The following FBXO36 variants were observed in gnomAD, a reference collection of about 807,000 sequenced individuals.
FBXO36 encodes F-box protein 36, also known as F-box only protein 36.
A neutral mutation model predicts 17.0 loss-of-function variants in FBXO36; 18 were observed. That is an observed-to-expected ratio of 1.06 (90% CI 0.73 to 1.57). FBXO36 has a LOEUF of 1.57. Among genes scored for constraint, FBXO36 ranks in the 40% most tolerant of loss-of-function variants. The pLI, the probability that FBXO36 is intolerant of heterozygous loss-of-function variation, is 0.00. For missense variants in FBXO36, 229 were observed against 221.9 expected, an observed-to-expected ratio of 1.03 and a Z score of -0.20; for synonymous variants, 83 against 85.3, an observed-to-expected ratio of 0.97 and a Z score of 0.15.
intron 3 of FBXO36, among the ~76,000 whole-genome samples, chr2:229,997,494 C>T (rs190367621): frequency 7.3e-5 from 11 of 151,486 alleles, no homozygotes; most frequent in Non-Finnish European, 1.5e-4. Flanking sequence ...AGGAGAATCA[C>T]TTGAACCCGG....
intron 2 of FBXO36, among the ~76,000 whole-genome samples, chr2:229,981,383 G>T (rs775557405): frequency 6.6e-6 from 1 of 151,726 alleles, no homozygotes; most frequent in Admixed American, 6.6e-5. Context: ...TATATGAACA[G>T]ATTTTTTTTT....
intron 1 of FBXO36, among the ~76,000 whole-genome samples, chr2:229,939,735 T>C (rs369474800): frequency 1.3e-5 from 2 of 152,226 alleles, no homozygotes; most frequent in East Asian, 3.8e-4. Context: ...AGGCTCCCTC[T>C]TCTGAAGATG....
At chr2:229,953,691 A>G (rs1345201530) in intron 1 of FBXO36, among the ~76,000 whole-genome samples, 2 of 152,038 alleles carry the variant, frequency 1.3e-5, no homozygotes, top group African/African-American at 4.8e-5. Context: ...AAAAATAAAA[A>G]AAGATTTTTT....
intron 2 of FBXO36, among the ~76,000 whole-genome samples, chr2:229,978,453 G>A (rs1039167772): frequency 2.0e-5 from 3 of 151,978 alleles, no homozygotes; most frequent in South Asian, 2.1e-4. Flanking sequence ...GCATGATGGT[G>A]GTGGGTGCCC....
At position 229,954,738 on chromosome 2, in the gene FBXO36, G is replaced by A. The variant is rs534085233; in HGVS notation, c.97-21503G>A. ...AATTTTTTGTATTTTTAGTGGAGACGGGGTTTCACCGTGTTAGCCAGGATG... is the reference window on the plus strand; with the variant it reads ...AATTTTTTGTATTTTTAGTGGAGACAGGGTTTCACCGTGTTAGCCAGGATG... On this transcript the variant is annotated intron_variant, in intron 1 of 3. Coordinates refer to ENST00000283946, the MANE Select transcript of FBXO36 (RefSeq NM_174899.5). Among the ~76,000 whole-genome samples, 17 of 149,388 alleles carry A rather than the reference G, an allele frequency of 1.1e-4. 1 individual carries two copies. Among genetic ancestry groups the A allele is most frequent in the Admixed American group, 6.0e-4 (9 of 14,914 alleles).
At chr2:229,925,917 A>G (rs1250397404) in intron 1 of FBXO36, among the ~76,000 whole-genome samples, 1 of 152,060 alleles carries the variant, frequency 6.6e-6, no homozygotes, top group Non-Finnish European at 1.5e-5. Flanking sequence ...GCTTGGGGTC[A>G]GTTTAGTTTC....
chr2:229,936,999 A>C (rs1480464741), intron 1 of FBXO36, among the ~76,000 whole-genome samples: 3 of 152,192 alleles, frequency 2.0e-5, no homozygotes, highest in Admixed American at 2.0e-4. Context: ...TATTACATCT[A>C]ACATGAACTT....
At chr2:229,980,111 G>C (rs935920724) in intron 2 of FBXO36, among the ~76,000 whole-genome samples, 3 of 151,854 alleles carry the variant, frequency 2.0e-5, no homozygotes, top group African/African-American at 2.4e-5. Flanking sequence ...GCAGTGGCAC[G>C]ATCTCAGCTC....
At chr2:229,943,576 C>T (rs2077011309) in intron 1 of FBXO36, among the ~76,000 whole-genome samples, 1 of 151,916 alleles carries the variant, frequency 6.6e-6, no homozygotes, top group Non-Finnish European at 1.5e-5. Context: ...AAAAATCAAA[C>T]CAAAACCACC....
At chr2:229,995,562 C>T (rs1226084221) in intron 2 of FBXO36, among the ~76,000 whole-genome samples, 16 of 68,582 alleles carry the variant, frequency 2.3e-4, no homozygotes, top group Non-Finnish European at 5.3e-4. Flanking sequence ...TCTTTCCTTC[C>T]TTTCTTTCTT....
intron 2 of FBXO36, among the ~76,000 whole-genome samples, chr2:229,983,087 ATCC>A (rs1420076064): frequency 1.3e-5 from 2 of 151,894 alleles, no homozygotes; most frequent in Non-Finnish European, 2.9e-5. Flanking sequence ...GGCTCAAACA[ATCC>A]TCCTGCCGGG....
chr2:229,931,404 G>C (rs2076937716), intron 1 of FBXO36, among the ~76,000 whole-genome samples: 1 of 152,186 alleles, frequency 6.6e-6, no homozygotes, highest in African/African-American at 2.4e-5. Context: ...GGAAGTCACT[G>C]AGTCACGGAT....
intron 1 of FBXO36, among the ~76,000 whole-genome samples, chr2:229,972,360 G>A (rs2077185249): frequency 6.6e-6 from 1 of 152,154 alleles, no homozygotes; most frequent in African/African-American, 2.4e-5. Flanking sequence ...AGGTCCGACT[G>A]AAAGCTGAAA....
At chr2:229,998,547 G>A (rs1369710856) in intron 3 of FBXO36, among the ~76,000 whole-genome samples, 10 of 152,098 alleles carry the variant, frequency 6.6e-5, no homozygotes, top group South Asian at 2.1e-4. Flanking sequence ...GCTTGAACCC[G>A]GGAGGCGGAG....
chr2:229,922,511 A>G lies in FBXO36; in HGVS notation c.-3A>G. 1 of 1,613,904 alleles carries G rather than the reference A, an allele frequency of 6.2e-7. No homozygotes were observed. Among genetic ancestry groups the G allele is most frequent in the Non-Finnish European group, 8.5e-7 (1 of 1,179,942 alleles). On this transcript the variant is annotated 5_prime_UTR_variant, in exon 1 of 4. Transcript: ENST00000283946. Reference sequence around the variant, plus strand: ...GTCTTAGCGACGGCGGTGGCGTCCCAAGATGGCGTCGTGGCTGCCGGAGAC... The same window carrying G: ...GTCTTAGCGACGGCGGTGGCGTCCCGAGATGGCGTCGTGGCTGCCGGAGAC...
chr2:229,959,176 A>T lies in FBXO36; in HGVS notation c.97-17065A>T, dbSNP rs112002397. On this transcript the variant is annotated intron_variant, in intron 1 of 3. Coordinates refer to ENST00000283946, the MANE Select transcript of FBXO36 (RefSeq NM_174899.5). ...AGATTTTGCCCTCATTTTCTTTTTT[A>T]AAATAATTTTTAATTTTTAATAAAA... Among the ~76,000 whole-genome samples, 841 of 152,040 alleles carry T rather than the reference A, an allele frequency of 5.5e-3. 11 individuals are homozygous for T. The highest frequency in any genetic ancestry group is 0.018 in the African/African-American group (756 of 41,464).
At chr2:229,985,613 G>A (rs1462517259) in intron 2 of FBXO36, among the ~76,000 whole-genome samples, 2 of 152,188 alleles carry the variant, frequency 1.3e-5, no homozygotes, top group Non-Finnish European at 2.9e-5. Context: ...CAGGAGGTAG[G>A]AGCCTGGGAG....
rs553326964 is a variant in FBXO36, at chr2:229,924,392, T to C, written c.96+1783T>C. ...ATAGACTTGAGCCACCGAGCCTGGCTGGCTTTAAGATTTATGATCCTAACA... is the reference window on the plus strand; with the variant it reads ...ATAGACTTGAGCCACCGAGCCTGGCCGGCTTTAAGATTTATGATCCTAACA... On this transcript the variant is annotated intron_variant, in intron 1 of 3. Coordinates refer to ENST00000283946, the MANE Select transcript of FBXO36 (RefSeq NM_174899.5). Among the ~76,000 whole-genome samples the C allele has an allele frequency of 4.5e-4, 69 of 152,280 alleles. 1 individual carries two copies. In the South Asian group the frequency reaches 6.4e-3, roughly 14 times the overall value.
intron 2 of FBXO36, among the ~76,000 whole-genome samples, chr2:229,987,935 A>T (rs141937059): frequency 6.6e-6 from 1 of 152,260 alleles, no homozygotes; most frequent in East Asian, 1.9e-4. Flanking sequence ...CACCTTGCCT[A>T]AATCATTGTT....
Sources: allele counts gnomAD v4.1 joint callset (sites outside exome capture counted in the v4.1 genomes callset), GRCh38; gene constraint gnomAD v4.1.1; transcripts MANE v1.5; gene names NCBI Gene and HGNC (gene_info 2026-07-23, HGNC 2026-07-21).